Variants in LDLRAD3 observed in about 807,000 individuals in gnomAD.
The protein encoded by LDLRAD3 is low density lipoprotein receptor class A domain containing 3.
A neutral mutation model predicts 29.4 loss-of-function variants in LDLRAD3; 20 were observed. The ratio of observed to expected loss-of-function variants is 0.68; its 90% CI spans 0.48 to 0.99. LDLRAD3 has a LOEUF of 0.99. LDLRAD3 is among the 50% of genes least tolerant of loss of function. The probability of loss-of-function intolerance (pLI) is 0.00; values close to 1 mark genes in which losing one functional copy is unlikely to be tolerated. For missense variants in LDLRAD3, 420 were observed against 454.3 expected (o/e 0.92, Z 0.69); for synonymous variants, 157 against 192.7 (o/e 0.81, Z 1.53).
intron 1 of LDLRAD3, among the ~76,000 whole-genome samples, chr11:36,007,929 A>C (rs1257007577): frequency 1.3e-5 from 2 of 152,204 alleles, no homozygotes; most frequent in Non-Finnish European, 2.9e-5. Flanking sequence ...AATTGAGTGA[A>C]GATGAAATAA....
At chr11:36,066,385 A>G (rs550057130) in intron 2 of LDLRAD3, among the ~76,000 whole-genome samples, 33 of 152,296 alleles carry the variant, frequency 2.2e-4, no homozygotes, top group Non-Finnish European at 4.3e-4. Flanking sequence ...CCAGAGGCTC[A>G]GTTACCTAAC....
intron 1 of LDLRAD3, among the ~76,000 whole-genome samples, chr11:36,031,725 T>C (rs1852238347): frequency 6.6e-6 from 1 of 152,152 alleles, no homozygotes. Flanking sequence ...CAGCTTTAGA[T>C]TGAGTGTCCA....
intron 1 of LDLRAD3, among the ~76,000 whole-genome samples, chr11:36,032,280 A>G (rs1852245206): frequency 6.6e-6 from 1 of 152,224 alleles, no homozygotes; most frequent in Non-Finnish European, 1.5e-5. Flanking sequence ...GTCAGCAAAC[A>G]GCACATCTGG....
At chr11:36,188,082 T>C (rs912543987) in intron 4 of LDLRAD3, among the ~76,000 whole-genome samples, 1 of 152,074 alleles carries the variant, frequency 6.6e-6, no homozygotes, top group Non-Finnish European at 1.5e-5. Context: ...TTAACCCCTA[T>C]TTTCTTACTA....
intron 4 of LDLRAD3, among the ~76,000 whole-genome samples, chr11:36,191,538 G>GTC (rs751965155): frequency 0.045 from 2,503 of 55,550 alleles, 102 homozygotes; most frequent in Middle Eastern, 0.075. Context: ...GCAAGACCCT[G>GTC]TCTCTCTCTC....
At chr11:35,983,230 C>G (rs1267077955) in intron 1 of LDLRAD3, among the ~76,000 whole-genome samples, 1 of 152,214 alleles carries the variant, frequency 6.6e-6, no homozygotes, top group Non-Finnish European at 1.5e-5. Flanking sequence ...TTACCTCCGT[C>G]ATACACACAT....
At chr11:36,024,049 A>C (rs1852131286) in intron 1 of LDLRAD3, among the ~76,000 whole-genome samples, 1 of 151,982 alleles carries the variant, frequency 6.6e-6, no homozygotes, top group Non-Finnish European at 1.5e-5. Flanking sequence ...GCTTTTCTGG[A>C]TCTAAGTGAC....
intron 2 of LDLRAD3, 58 bp from the exon 3 acceptor site, chr11:36,081,595 G>T (rs1292685553): frequency 6.2e-7 from 1 of 1,607,916 alleles, no homozygotes; most frequent in African/African-American, 1.3e-5. Flanking sequence ...AGTGGGATGA[G>T]TATGCAGTCA....
At chr11:36,093,991 T>G (rs1853321655) in intron 3 of LDLRAD3, among the ~76,000 whole-genome samples, 1 of 152,294 alleles carries the variant, frequency 6.6e-6, no homozygotes, top group Non-Finnish European at 1.5e-5. Context: ...ATATGTAAAA[T>G]AGGTGATGGT....
intron 4 of LDLRAD3, among the ~76,000 whole-genome samples, chr11:36,108,403 T>C (rs931800612): frequency 3.3e-5 from 5 of 150,486 alleles, no homozygotes; most frequent in Non-Finnish European, 5.9e-5. Context: ...TATCTTAGAA[T>C]TGAAGAACGG....
chr11:36,087,796 T>C (rs1853217924), intron 3 of LDLRAD3, among the ~76,000 whole-genome samples: 2 of 152,044 alleles, frequency 1.3e-5, no homozygotes, highest in South Asian at 4.2e-4. Context: ...ACTGCAGCCT[T>C]GACTTCCCAG....
intron 4 of LDLRAD3, among the ~76,000 whole-genome samples, chr11:36,190,849 A>G (rs929084174): frequency 6.6e-6 from 1 of 152,230 alleles, no homozygotes; most frequent in African/African-American, 2.4e-5. Flanking sequence ...AAATACATAA[A>G]TGAAAGTAAG....
intron 4 of LDLRAD3, among the ~76,000 whole-genome samples, chr11:36,214,454 C>T (rs1855325721): frequency 1.3e-5 from 2 of 152,172 alleles, no homozygotes; most frequent in African/African-American, 4.8e-5. Context: ...TTGATCCCAC[C>T]TCATTTGTGA....
At chr11:36,168,667 CT>C (rs1854552615) in intron 4 of LDLRAD3, among the ~76,000 whole-genome samples, 1 of 152,066 alleles carries the variant, frequency 6.6e-6, no homozygotes, top group African/African-American at 2.4e-5. Flanking sequence ...ACTCATTTCA[CT>C]TTTTAGCAAC....
intron 1 of LDLRAD3, among the ~76,000 whole-genome samples, chr11:36,014,053 C>T (rs2133190755): frequency 6.6e-6 from 1 of 152,214 alleles, no homozygotes; most frequent in South Asian, 2.1e-4. Context: ...GTTGTGTGTC[C>T]TGTTGCTGAA....
At chr11:35,981,181 G>A (rs1851536793) in intron 1 of LDLRAD3, among the ~76,000 whole-genome samples, 3 of 118,938 alleles carry the variant, frequency 2.5e-5, no homozygotes, top group South Asian at 3.0e-4. Context: ...ATACTTTTGG[G>A]AAACGTGAGG....
rs139481782 is a variant in LDLRAD3 at position 36,096,049 on chromosome 11, C to T, written c.320-2278C>T. ...AGTTGAGCCATTCTCTGGCCCACAGCGATGTCAATAATTAAAACTTCCATT... is the reference window on the plus strand; with the variant it reads ...AGTTGAGCCATTCTCTGGCCCACAGTGATGTCAATAATTAAAACTTCCATT... On this transcript the variant is annotated intron_variant, in intron 3 of 5. Coordinates refer to ENST00000315571, the MANE Select transcript of LDLRAD3 (RefSeq NM_174902.4). Among the ~76,000 whole-genome samples the T allele has an allele frequency of 6.3e-3, 961 of 151,930 alleles. 5 individuals are homozygous for T. The highest frequency in any genetic ancestry group is 8.0e-3 in the Non-Finnish European group (541 of 67,978).
In LDLRAD3 at chr11:36,113,141, A is replaced by G. The variant is rs184061195; in HGVS notation, c.454+14680A>G. The stretch of plus-strand genomic sequence containing the variant: ...GGTTTCTTCTATGATTCTTTCTCAC[A>G]TTAGGTTCTTAATGTGGAATATTTG... On this transcript the variant is annotated intron_variant, in intron 4 of 5. Coordinates refer to ENST00000315571, the MANE Select transcript of LDLRAD3 (RefSeq NM_174902.4). Among the ~76,000 whole-genome samples, 291 of 152,282 alleles carry G rather than the reference A, an allele frequency of 1.9e-3. 2 individuals are homozygous for G. The highest frequency in any genetic ancestry group is 3.1e-3 in the Non-Finnish European group (209 of 68,024).
At chr11:36,079,190 A>G (rs981030121) in intron 2 of LDLRAD3, among the ~76,000 whole-genome samples, 3 of 152,224 alleles carry the variant, frequency 2.0e-5, no homozygotes, top group Non-Finnish European at 2.9e-5. Context: ...TGCTGCCATC[A>G]GTACTATAGA....
Sources: gnomAD v4.1 joint callset for allele counts (sites outside exome capture counted in the v4.1 genomes callset) on GRCh38, gnomAD v4.1.1 for gene constraint, MANE v1.5 for transcripts, NCBI Gene and HGNC (gene_info 2026-07-23, HGNC 2026-07-21) for gene names.